The following ZMAT4 variants were observed in gnomAD, a reference collection of about 807,000 sequenced individuals.
ZMAT4 encodes zinc finger matrin-type 4.
Under a neutral mutation model 28.7 loss-of-function variants are expected in ZMAT4, and 17 were observed. The observed-to-expected ratio is 0.59, with a 90% CI of 0.41 to 0.89. The LOEUF (loss-of-function observed/expected upper bound fraction) is 0.89. Among genes scored for constraint, ZMAT4 ranks in the 40% least tolerant of loss-of-function variants. The probability of loss-of-function intolerance (pLI) is 0.00; values close to 1 mark genes in which losing one functional copy is unlikely to be tolerated. For missense variants in ZMAT4, 240 were observed against 283.8 expected, an observed-to-expected ratio of 0.85 and a Z score of 1.11; for synonymous variants, 117 against 109.2, an observed-to-expected ratio of 1.07 and a Z score of -0.44.
At chr8:40,807,741 G>A (rs556212583) in intron 2 of ZMAT4, among the ~76,000 whole-genome samples, 41 of 152,226 alleles carry the variant, frequency 2.7e-4, no homozygotes, top group Admixed American at 4.6e-4. Flanking sequence ...TGCCATAGAG[G>A]CACAGTGACT....
intron 5 of ZMAT4, among the ~76,000 whole-genome samples, chr8:40,597,954 A>G (rs1314470575): frequency 6.6e-6 from 1 of 152,198 alleles, no homozygotes; most frequent in Non-Finnish European, 1.5e-5. Context: ...AACATTTAAG[A>G]GTAACTATAA....
At chr8:40,774,752 T>C (rs1813523356) in intron 2 of ZMAT4, among the ~76,000 whole-genome samples, 1 of 151,894 alleles carries the variant, frequency 6.6e-6, no homozygotes, top group Admixed American at 6.6e-5. Context: ...CAAAAACGTA[T>C]ATGCATCTGT....
chr8:40,808,089 A>G (rs113001379), intron 2 of ZMAT4, among the ~76,000 whole-genome samples: 9 of 152,284 alleles, frequency 5.9e-5, no homozygotes, highest in African/African-American at 1.7e-4. Flanking sequence ...TTATTATTAT[A>G]TGGATTTTGA....
chr8:40,893,787 C>A (rs1048673038), intron 1 of ZMAT4, among the ~76,000 whole-genome samples: 3 of 152,100 alleles, frequency 2.0e-5, no homozygotes, highest in South Asian at 4.1e-4. Flanking sequence ...AAGCATAGTA[C>A]CTGATAGGCA....
intron 5 of ZMAT4, among the ~76,000 whole-genome samples, chr8:40,647,601 G>T (rs1398469282): frequency 2.0e-5 from 3 of 152,206 alleles, no homozygotes; most frequent in African/African-American, 7.2e-5. Context: ...GCCTGTCTCT[G>T]TAGGCTCCAC....
intron 4 of ZMAT4, among the ~76,000 whole-genome samples, chr8:40,681,727 T>C (rs1809172915): frequency 6.6e-6 from 1 of 152,236 alleles, no homozygotes; most frequent in South Asian, 2.1e-4. Flanking sequence ...CTTGGGGGAA[T>C]TTTCATGTTT....
chr8:40,585,322 C>G (rs1344312034), intron 5 of ZMAT4, among the ~76,000 whole-genome samples: 3 of 152,044 alleles, frequency 2.0e-5, no homozygotes. Context: ...ACAGACAAAT[C>G]TTGAAACCTA....
At chr8:40,881,433 G>GAAAGAAAGAAAGAA (rs1388374068) in intron 1 of ZMAT4, among the ~76,000 whole-genome samples, 4 of 70,228 alleles carry the variant, frequency 5.7e-5, no homozygotes, top group Non-Finnish European at 1.0e-4. Flanking sequence ...AGAAGAAAGA[G>GAAAGAAAGAAAGAA]AGAAAGAAAG....
At chr8:40,773,524 G>GA (rs1228718987) in intron 2 of ZMAT4, among the ~76,000 whole-genome samples, 1 of 151,392 alleles carries the variant, frequency 6.6e-6, no homozygotes, top group Admixed American at 6.6e-5. Flanking sequence ...AAAAAACTGT[G>GA]AAAAAAATAT....
intron 3 of ZMAT4, among the ~76,000 whole-genome samples, chr8:40,731,833 A>G (rs1360895261): frequency 6.6e-6 from 1 of 152,236 alleles, no homozygotes; most frequent in African/African-American, 2.4e-5. Context: ...GTGTCCATGG[A>G]TGGATGATTG....
At chr8:40,537,464 T>A (rs1398393700) in intron 6 of ZMAT4, among the ~76,000 whole-genome samples, 2 of 152,186 alleles carry the variant, frequency 1.3e-5, no homozygotes, top group Non-Finnish European at 2.9e-5. Context: ...TAAAATGAAT[T>A]CAACTCTTCT....
chr8:40,889,078 C>T (rs750450701), intron 1 of ZMAT4, among the ~76,000 whole-genome samples: 3 of 152,182 alleles, frequency 2.0e-5, no homozygotes, highest in African/African-American at 4.8e-5. Context: ...GCCTTTTGCT[C>T]GGAGCCTCAA....
rs1207884808 is a variant in ZMAT4 at position 40,707,225 on chromosome 8, C to T, written c.193-9824G>A. On this transcript the variant is annotated intron_variant, in intron 3 of 6. Transcript: ENST00000297737. ...CTTCCTTCAGGCCTGCCCCCCCACC[C>T]CCCCACCCCCATCTGACAGCACTAA... is the stretch of plus-strand genomic sequence containing the variant. Among the ~76,000 whole-genome samples the T allele has an allele frequency of 2.2e-5, 3 of 134,580 alleles. No individual in the cohort carries two copies. The East Asian group carries it at 8.2e-4, about 37-fold the overall frequency. The allele number at this position is 134,580 out of a possible 152,430, so 88.3% of individuals were successfully genotyped here.
intron 2 of ZMAT4, among the ~76,000 whole-genome samples, chr8:40,793,196 G>A (rs1814437305): frequency 6.6e-6 from 1 of 152,068 alleles, no homozygotes; most frequent in African/African-American, 2.4e-5. Context: ...GTGAGAGGGG[G>A]GTACATGGGT....
intron 1 of ZMAT4, among the ~76,000 whole-genome samples, chr8:40,894,091 T>C (rs1005208313): frequency 2.6e-5 from 4 of 152,250 alleles, no homozygotes; most frequent in African/African-American, 9.6e-5. Flanking sequence ...TGCATGCTAA[T>C]GTTTCCAAGG....
intron 3 of ZMAT4, among the ~76,000 whole-genome samples, chr8:40,764,391 A>C (rs929081304): frequency 6.6e-6 from 1 of 152,238 alleles, no homozygotes; most frequent in African/African-American, 2.4e-5. Context: ...CAACAGCAAA[A>C]GCCAAATGGC....
At chr8:40,772,628 C>T (rs1051256299) in intron 2 of ZMAT4, among the ~76,000 whole-genome samples, 7 of 152,288 alleles carry the variant, frequency 4.6e-5, no homozygotes, top group Non-Finnish European at 7.4e-5. Flanking sequence ...ATTTCATCCC[C>T]GAATCACAGT....
intron 1 of ZMAT4, chr8:40,884,815 AT>A (rs2150666713): frequency 6.6e-6 from 1 of 152,312 alleles, no homozygotes; most frequent in African/African-American, 2.4e-5. Flanking sequence ...GGCTTTGTAA[AT>A]AAAGTTTTAT....
chr8:40,574,156 A>G (rs897890042), intron 6 of ZMAT4, among the ~76,000 whole-genome samples: 1 of 152,178 alleles, frequency 6.6e-6, no homozygotes, highest in Non-Finnish European at 1.5e-5. Context: ...AATTCTGGAT[A>G]TTATTAAATT....
Sources: gnomAD v4.1 joint callset for allele counts (sites outside exome capture counted in the v4.1 genomes callset) on GRCh38, gnomAD v4.1.1 for gene constraint, MANE v1.5 for transcripts, NCBI Gene and HGNC (gene_info 2026-07-23, HGNC 2026-07-21) for gene names.